Variants in OSBPL9 observed in about 807,000 individuals in gnomAD.
OSBPL9 encodes oxysterol binding protein like 9.
A neutral mutation model predicts 106.6 loss-of-function variants in OSBPL9; 40 were observed. That is an observed-to-expected ratio of 0.38 (90% CI 0.29 to 0.49). The LOEUF (loss-of-function observed/expected upper bound fraction) is 0.49, where lower values mean the gene tolerates loss of function less well. OSBPL9 is among the 20% of genes least tolerant of loss of function. The probability of loss-of-function intolerance (pLI) is 0.97; values close to 1 mark genes in which losing one functional copy is unlikely to be tolerated. For synonymous variants in OSBPL9, 269 were observed against 295.4 expected, an observed-to-expected ratio of 0.91 and a Z score of 0.92; for missense variants, 609 against 887.2, an observed-to-expected ratio of 0.69 and a Z score of 3.98.
Position 51,766,666 on chromosome 1 carries a change from A to G in OSBPL9, c.938+685A>G, listed in dbSNP as rs12036817. 2.2e-3 allele frequency among the ~76,000 whole-genome samples: 334 copies of G among 152,364 alleles called. 11 individuals are homozygous for G. In the East Asian group the frequency reaches 0.052, roughly 24 times the overall value. On this transcript the variant is annotated intron_variant, in intron 12 of 23. Transcript: ENST00000428468. Reference sequence around the variant, plus strand: ...GTGCTAGAAGCCATTACTAAGTCCCAGGTTTTTGAGGAAAGAAAAGCTTTT... The same window carrying G: ...GTGCTAGAAGCCATTACTAAGTCCCGGGTTTTTGAGGAAAGAAAAGCTTTT...
chr1:51,626,019 A>G (rs1212329464), intron 1 of OSBPL9, among the ~76,000 whole-genome samples: 1 of 152,188 alleles, frequency 6.6e-6, no homozygotes, highest in Non-Finnish European at 1.5e-5. Flanking sequence ...TTGAGGCCCC[A>G]TGATAAGATT....
chr1:51,696,802 C>T (rs920511567), intron 3 of OSBPL9, among the ~76,000 whole-genome samples: 5 of 152,124 alleles, frequency 3.3e-5, no homozygotes, highest in East Asian at 1.9e-4. Flanking sequence ...TCCCCTGTCC[C>T]GTTTTTTTTT....
chr1:51,715,282 A>G (rs1660823842), intron 4 of OSBPL9, among the ~76,000 whole-genome samples: 1 of 152,202 alleles, frequency 6.6e-6, no homozygotes, highest in Admixed American at 6.5e-5. Flanking sequence ...TTGAAGTAGG[A>G]AATCTTTAAG....
chr1:51,632,570 T>C (rs371869744), intron 1 of OSBPL9, among the ~76,000 whole-genome samples: 1 of 152,248 alleles, frequency 6.6e-6, no homozygotes, highest in East Asian at 1.9e-4. Context: ...AAATAAACTT[T>C]CTGCAGAGGC....
At chr1:51,784,363 T>G in intron 19 of OSBPL9, 36 bp downstream of exon 19, 1 of 1,605,310 alleles carries the variant, frequency 6.2e-7, no homozygotes, top group Non-Finnish European at 8.5e-7. Flanking sequence ...AGCAGTAGAC[T>G]CTGCTGTTCC....
intron 2 of OSBPL9, among the ~76,000 whole-genome samples, chr1:51,659,445 C>T (rs1647005100): frequency 6.6e-6 from 1 of 151,404 alleles, no homozygotes. Flanking sequence ...GAATATATTA[C>T]AAGACAGATT....
chr1:51,771,916 C>T (rs776333212), intron 12 of OSBPL9, among the ~76,000 whole-genome samples, 154 bp from the exon 13 acceptor site: 2 of 152,190 alleles, frequency 1.3e-5, no homozygotes, highest in Non-Finnish European at 2.9e-5. Flanking sequence ...TTGAGCACAT[C>T]CTGTGCATAA....
At chr1:51,688,726 G>C (rs529877260) in intron 3 of OSBPL9, among the ~76,000 whole-genome samples, 1 of 152,100 alleles carries the variant, frequency 6.6e-6, no homozygotes, top group Non-Finnish European at 1.5e-5. Flanking sequence ...ATAAATCATT[G>C]TAAGTCCTAA....
chr1:51,642,147 A>C (rs1346498421), intron 1 of OSBPL9, among the ~76,000 whole-genome samples: 2 of 152,194 alleles, frequency 1.3e-5, no homozygotes, highest in Non-Finnish European at 2.9e-5. Context: ...TAAGAATAGA[A>C]GCTTCAAATT....
intron 1 of OSBPL9, among the ~76,000 whole-genome samples, chr1:51,639,206 C>A (rs147697207): frequency 2.0e-5 from 3 of 152,084 alleles, no homozygotes; most frequent in Non-Finnish European, 4.4e-5. Context: ...CCCTCCTGTC[C>A]CTTTCCTGTC....
intron 4 of OSBPL9, among the ~76,000 whole-genome samples, chr1:51,732,606 G>A (rs1360421576): frequency 6.6e-6 from 1 of 152,060 alleles, no homozygotes; most frequent in East Asian, 1.9e-4. Flanking sequence ...TGTTATGTTT[G>A]CCTTAGTAAT....
intron 3 of OSBPL9, among the ~76,000 whole-genome samples, chr1:51,691,911 C>T (rs755040843): frequency 2.0e-5 from 3 of 152,062 alleles, no homozygotes; most frequent in Non-Finnish European, 4.4e-5. Context: ...GCTATCATCT[C>T]CTATGATAAC....
the OSBPL9 span, among the ~76,000 whole-genome samples, chr1:51,531,134 A>T: frequency 4.0e-5 from 6 of 150,414 alleles, no homozygotes; most frequent in Non-Finnish European, 7.4e-5. Context: ...GAACTAGCTG[A>T]GTGTGGTGGT....
In OSBPL9 at chr1:51,652,056, AT is replaced by A. The variant is rs1557641761; in HGVS notation, c.162+20del. On this transcript the variant is annotated intron_variant, in intron 2 of 23. Coordinates refer to ENST00000428468, the MANE Select transcript of OSBPL9 (RefSeq NM_024586.6). ...TTAGACTCAGAGTGAGTATTTATTC[AT>A]TTTTATGAAAATCAATTTTGACAGA... is the stretch of plus-strand genomic sequence containing the variant. 1 of 1,575,826 alleles carries A rather than the reference AT, an allele frequency of 6.3e-7. No homozygotes were observed. Among genetic ancestry groups the A allele is most frequent in the Non-Finnish European group, 8.6e-7 (1 of 1,157,752 alleles).
intron 3 of OSBPL9, among the ~76,000 whole-genome samples, chr1:51,679,395 G>A (rs781664145): frequency 7.2e-5 from 11 of 152,146 alleles, no homozygotes; most frequent in African/African-American, 1.4e-4. Flanking sequence ...TTTGGGAAAA[G>A]TATAAAGTAG....
In OSBPL9 at chr1:51,782,474, C is replaced by T. The variant is rs140508114; in HGVS notation, c.1429-85C>T. On this transcript the variant is annotated intron_variant, in intron 16 of 23. Coordinates refer to ENST00000428468, the MANE Select transcript of OSBPL9 (RefSeq NM_024586.6). ...TATAGGGTGCTTGGTGTGTGTAGAG[C>T]GAGCAGAGACCCCAATTACCAGATT... 457 of 1,078,408 alleles carry T rather than the reference C, an allele frequency of 4.2e-4. 3 individuals are homozygous for T. In the East Asian group the frequency reaches 0.01, roughly 24 times the overall value. 66.8% of individuals were successfully genotyped at this position (1,078,408 alleles called of 1,614,324 possible).
At chr1:51,698,275 A>G (rs1656492214) in intron 3 of OSBPL9, among the ~76,000 whole-genome samples, 1 of 152,116 alleles carries the variant, frequency 6.6e-6, no homozygotes, top group Non-Finnish European at 1.5e-5. Context: ...TTTGTGGGAC[A>G]TTGGGGTGGC....
rs67226699 is a variant in OSBPL9 at position 51,788,909 on chromosome 1, T to TTTAG, written c.*1128_*1131dup. 8.6e-4 allele frequency among the ~76,000 whole-genome samples: 130 copies of TTTAG among 151,930 alleles called. No homozygotes were observed. The highest frequency in any genetic ancestry group is 2.5e-3 in the African/African-American group (105 of 41,294). On this transcript the variant is annotated 3_prime_UTR_variant, in exon 24 of 24. Transcript: ENST00000428468. ...AAAAAACAGGTATTAGTACCTAGCATTTAGTTAGTTATTCAATATACTGGT... is the reference window on the plus strand; with the variant it reads ...AAAAAACAGGTATTAGTACCTAGCATTTAGTTAGTTAGTTATTCAATATACTGGT...
Position 51,779,495 on chromosome 1 carries a change from A to G in OSBPL9, c.1257-1669A>G, listed in dbSNP as rs372036266. On this transcript the variant is annotated intron_variant, in intron 15 of 23. Transcript: ENST00000428468. ...CTTCTGGACATTGGCCTAGGCAAAG[A>G]CTTTATGACCAATAATCCAAAAGTG... Among the ~76,000 whole-genome samples, 71 of 152,352 alleles carry G rather than the reference A, an allele frequency of 4.7e-4. 3 individuals carry two copies. The South Asian group carries it at 0.012, about 25-fold the overall frequency.
Sources: gnomAD v4.1 joint callset for allele counts (sites outside exome capture counted in the v4.1 genomes callset) on GRCh38, gnomAD v4.1.1 for gene constraint, MANE v1.5 for transcripts, NCBI Gene and HGNC (gene_info 2026-07-23, HGNC 2026-07-21) for gene names.